The following SEMA3E variants were observed in gnomAD, a reference collection of about 807,000 sequenced individuals.
SEMA3E encodes semaphorin-3E.
Under a neutral mutation model 93.6 loss-of-function variants are expected in SEMA3E, and 49 were observed. The ratio of observed to expected loss-of-function variants is 0.52; its 90% CI spans 0.42 to 0.66. The LOEUF is 0.66. SEMA3E is among the 30% of genes least tolerant of loss of function. SEMA3E has a pLI of 0.00. For missense variants in SEMA3E, 906 were observed against 964.8 expected (o/e 0.94, Z 0.81); for synonymous variants, 363 against 330.7 (o/e 1.10, Z -1.06).
At chr7:83,579,156 A>C (rs563566700) in intron 1 of SEMA3E, among the ~76,000 whole-genome samples, 1 of 152,258 alleles carries the variant, frequency 6.6e-6, no homozygotes, top group South Asian at 2.1e-4. Context: ...CAAAAATGAC[A>C]CATTATTTAA....
intron 1 of SEMA3E, among the ~76,000 whole-genome samples, chr7:83,636,791 G>A (rs1397622829): frequency 6.6e-6 from 1 of 152,074 alleles, no homozygotes; most frequent in East Asian, 1.9e-4. Flanking sequence ...GCACATGGCA[G>A]GATGGTGCAA....
chr7:83,556,993 A>G (rs907142518), intron 1 of SEMA3E, among the ~76,000 whole-genome samples: 1 of 152,160 alleles, frequency 6.6e-6, no homozygotes, highest in East Asian at 1.9e-4. Flanking sequence ...TTGATCTTTG[A>G]CTTCCAGCCT....
At chr7:83,549,487 T>C (rs1351962894) in intron 1 of SEMA3E, among the ~76,000 whole-genome samples, 1 of 152,168 alleles carries the variant, frequency 6.6e-6, no homozygotes, top group African/African-American at 2.4e-5. Context: ...GATTTATTTT[T>C]CATTTTAAAT....
intron 5 of SEMA3E, among the ~76,000 whole-genome samples, chr7:83,409,578 T>C (rs1788400361): frequency 6.6e-6 from 1 of 152,154 alleles, no homozygotes; most frequent in East Asian, 1.9e-4. Context: ...GTTTGCAATG[T>C]GTATGCATAC....
chr7:83,406,948 G>T (rs1350218325), intron 7 of SEMA3E, 149 bp downstream of exon 7: 2 of 902,746 alleles, frequency 2.2e-6, no homozygotes, highest in Non-Finnish European at 3.4e-6. Flanking sequence ...CACTAGATAT[G>T]AAATGTAGAG....
At chr7:83,380,320 C>T (rs1312228000) in intron 16 of SEMA3E, among the ~76,000 whole-genome samples, 1 of 151,838 alleles carries the variant, frequency 6.6e-6, no homozygotes, top group African/African-American at 2.4e-5. Flanking sequence ...GAAATATCAT[C>T]CTAAATGTTC....
chr7:83,504,873 C>A lies in SEMA3E; in HGVS notation c.116-14599G>T, dbSNP rs996424165. Among the ~76,000 whole-genome samples the A allele has an allele frequency of 2.0e-5, 3 of 152,056 alleles. No individual in the cohort carries two copies. In the East Asian group the frequency reaches 5.8e-4, roughly 29 times the overall value. On this transcript the variant is annotated intron_variant, in intron 1 of 16. Coordinates refer to ENST00000643230, the MANE Select transcript of SEMA3E (RefSeq NM_012431.3). ...TATACATAATTTCACTTACCCTTCA[C>A]TCCACCAGTAGGTGCATATGGCTTC... is the stretch of plus-strand genomic sequence containing the variant.
chr7:83,542,315 G>A (rs1309268685), intron 1 of SEMA3E, among the ~76,000 whole-genome samples: 1 of 152,048 alleles, frequency 6.6e-6, no homozygotes, highest in Non-Finnish European at 1.5e-5. Context: ...AGCTATGATT[G>A]TGCCACAGCA....
At chr7:83,537,788 A>G (rs1331480376) in intron 1 of SEMA3E, among the ~76,000 whole-genome samples, 2 of 152,148 alleles carry the variant, frequency 1.3e-5, no homozygotes, top group African/African-American at 4.8e-5. Context: ...AACAGTCAAT[A>G]TTGGGACATT....
intron 1 of SEMA3E, among the ~76,000 whole-genome samples, chr7:83,538,263 C>A (rs925395941): frequency 6.6e-6 from 1 of 152,092 alleles, no homozygotes; most frequent in Non-Finnish European, 1.5e-5. Context: ...TGAGGACCTG[C>A]CAGACTATTT....
Position 83,364,360 on chromosome 7 carries a change from T to C in SEMA3E, c.*3226A>G, listed in dbSNP as rs1288336527. The stretch of plus-strand genomic sequence containing the variant: ...AATATCGAACACTCATTACAAACAT[T>C]CTAAGTATTTAACTAATTTTAGATA... On this transcript the variant is annotated 3_prime_UTR_variant, in exon 17 of 17. Transcript: ENST00000643230. 1 of 152,178 alleles carries C rather than the reference T, an allele frequency of 6.6e-6. No homozygotes were observed. Among genetic ancestry groups the C allele is most frequent in the African/African-American group, 2.4e-5 (1 of 41,436 alleles). 9.4% of individuals were successfully genotyped at this position (152,178 alleles called of 1,614,324 possible).
intron 1 of SEMA3E, among the ~76,000 whole-genome samples, chr7:83,582,396 C>A (rs112705466): frequency 6.6e-6 from 1 of 152,018 alleles, no homozygotes; most frequent in South Asian, 2.1e-4. Context: ...AAACTTGTCA[C>A]GTGAGTGGCC....
chr7:83,595,254 A>T (rs1195010540), intron 1 of SEMA3E, among the ~76,000 whole-genome samples: 1 of 152,112 alleles, frequency 6.6e-6, no homozygotes, highest in Non-Finnish European at 1.5e-5. Flanking sequence ...ACTAATGCTT[A>T]AACAGCCGTT....
chr7:83,613,272 A>G (rs1231283788), intron 1 of SEMA3E, among the ~76,000 whole-genome samples: 1 of 152,038 alleles, frequency 6.6e-6, no homozygotes, highest in African/African-American at 2.4e-5. Context: ...TCCTGTCAGT[A>G]AGAAAATGAC....
At chr7:83,617,924 G>T (rs973014649) in intron 1 of SEMA3E, among the ~76,000 whole-genome samples, 1 of 151,870 alleles carries the variant, frequency 6.6e-6, no homozygotes, top group African/African-American at 2.4e-5. Context: ...ATAAAATATT[G>T]TCTTATCAAT....
At chr7:83,509,083 T>C (rs1385653595) in intron 1 of SEMA3E, among the ~76,000 whole-genome samples, 3 of 152,194 alleles carry the variant, frequency 2.0e-5, no homozygotes, top group Non-Finnish European at 4.4e-5. Context: ...ATTAAAGTTT[T>C]ACAACTTTTA....
chr7:83,385,384 G>C lies in SEMA3E; in HGVS notation c.1785C>G (p.Asn595Lys), dbSNP rs772875017. ...GGGTACATTCCAGCAAAGTACTGTT[G>C]TTCTCTATGCCATAAGCCAGATGTT... is the stretch of plus-strand genomic sequence containing the variant. ...TEEHLAYGIE[N>K]NSTLLECTPR... Residue 595 changes from asparagine to lysine, a missense_variant, in exon 16 of 17, where the codon AAC becomes AAG. Transcript: ENST00000643230. 1 of 1,613,352 alleles carries C rather than the reference G, an allele frequency of 6.2e-7. No homozygotes were observed. The highest frequency in any genetic ancestry group is 1.7e-5 in the Admixed American group (1 of 59,948).
chr7:83,412,391 T>C (rs894606139), intron 5 of SEMA3E, among the ~76,000 whole-genome samples: 1 of 152,108 alleles, frequency 6.6e-6, no homozygotes, highest in South Asian at 2.1e-4. Context: ...AATGAGTTCA[T>C]AATTAAATAT....
At chr7:83,382,173 G>A (rs1787789202) in intron 16 of SEMA3E, among the ~76,000 whole-genome samples, 1 of 152,008 alleles carries the variant, frequency 6.6e-6, no homozygotes, top group Non-Finnish European at 1.5e-5. Context: ...TTGTGTTTTA[G>A]TAGAAATTAC....
Sources: gnomAD v4.1 joint callset for allele counts (sites outside exome capture counted in the v4.1 genomes callset) on GRCh38, gnomAD v4.1.1 for gene constraint, MANE v1.5 for transcripts, NCBI Gene and HGNC (gene_info 2026-07-23, HGNC 2026-07-21) for gene names.